ZFYVE19: variants seen among roughly 807,000 people sequenced by gnomAD.
ZFYVE19 encodes the protein abscission/NoCut checkpoint regulator.
In ZFYVE19, 49 loss-of-function variants were observed where a neutral mutation model predicts 62.8. The observed-to-expected ratio is 0.78, with a 90% CI of 0.62 to 0.99. ZFYVE19 has a LOEUF of 0.99. Among genes scored for constraint, ZFYVE19 ranks in the 50% least tolerant of loss-of-function variants. The pLI, the probability that ZFYVE19 is intolerant of heterozygous loss-of-function variation, is 0.00. For synonymous variants in ZFYVE19, 242 were observed against 234.3 expected (o/e 1.03, Z -0.30); for missense variants, 630 against 601.9 (o/e 1.05, Z -0.49).
intron 3 of ZFYVE19, 113 bp from the exon 4 acceptor site, chr15:40,809,738 TG>T: frequency 8.4e-7 from 1 of 1,191,746 alleles, no homozygotes; most frequent in South Asian, 1.4e-5. Flanking sequence ...GATTGCCCAT[TG>T]GAGGCCTCCC....
chr15:40,814,448 G>T lies in ZFYVE19; in HGVS notation c.*222G>T. On this transcript the variant is annotated 3_prime_UTR_variant, in exon 11 of 11. Transcript: ENST00000355341. ...CTCCTATTAGAAGCCCAGACTGGAA[G>T]TGAGAGGCATGATGGGGAGAGACCA... The T allele has an allele frequency of 1.7e-6, 1 of 600,090 alleles. No homozygotes were observed. Among genetic ancestry groups the T allele is most frequent in the South Asian group, 2.0e-5 (1 of 50,924 alleles). The allele number at this position is 600,090 out of a possible 1,614,324, so 37.2% of individuals were successfully genotyped here.
At chr15:40,812,557 A>AAAAGAAAGAAAGAAAG (rs1181376902) in intron 6 of ZFYVE19, 142 bp from the exon 7 acceptor site, 6 of 465,064 alleles carry the variant, frequency 1.3e-5, no homozygotes, top group Admixed American at 4.3e-5. Flanking sequence ...AAAAAAAAAA[A>AAAAGAAAGAAAGAAAG]AAAGAAAGAA....
rs1890613072 is a variant in ZFYVE19 at position 40,814,617 on chromosome 15, G to A, written c.*391G>A. On this transcript the variant is annotated 3_prime_UTR_variant, in exon 11 of 11. Transcript: ENST00000355341. ...CCTATGAGCCTGGGCCCTGTGAGAG[G>A]TGGCAGGAACAGAGCAGGCTGTAAG... 3.7e-6 allele frequency: 1 copy of A among 272,852 alleles called. No homozygotes were observed. Among genetic ancestry groups the A allele is most frequent in the South Asian group, 4.0e-5 (1 of 25,178 alleles). The allele number at this position is 272,852 out of a possible 1,614,324, so 16.9% of individuals were successfully genotyped here. A position where few individuals can be genotyped will look rare whatever the true frequency, so the allele number is the denominator to read the frequency against.
chr15:40,812,463 T>C (rs1890516558), intron 6 of ZFYVE19, among the ~76,000 whole-genome samples: 1 of 151,178 alleles, frequency 6.6e-6, no homozygotes, highest in African/African-American at 2.4e-5. Flanking sequence ...GGAGAATCGC[T>C]TGAATCCAGG....
rs1596118489 is a variant in ZFYVE19, at chr15:40,812,688, A to C, written c.827-11A>C. On this transcript the variant is annotated splice_polypyrimidine_tract_variant and intron_variant, in intron 6 of 10. Coordinates refer to ENST00000355341, the MANE Select transcript of ZFYVE19 (RefSeq NM_001077268.2). Reference sequence around the variant, plus strand: ...ATGTCTCGGCCTTGCTGATGGCATTACCCCTTCCAGCTGCCTCTCTCCAGA... The same window carrying C: ...ATGTCTCGGCCTTGCTGATGGCATTCCCCCTTCCAGCTGCCTCTCTCCAGA... 1 of 1,603,522 alleles carries C rather than the reference A, an allele frequency of 6.2e-7. No homozygotes were observed. The highest frequency in any genetic ancestry group is 8.5e-7 in the Non-Finnish European group (1 of 1,179,732).
At position 40,807,191 on chromosome 15, in the gene ZFYVE19, C is replaced by A; in HGVS notation, c.-399C>A. ...CTCTGTACCCCGCTTCCTCTTGAGG[C>A]CCTCGGACCGTCCAGGAAATGTCTG... On this transcript the variant is annotated 5_prime_UTR_variant, in exon 1 of 11. Transcript: ENST00000355341. 1 of 1,460,302 alleles carries A rather than the reference C, an allele frequency of 6.8e-7. No individual in the cohort carries two copies. The allele number at this position is 1,460,302 out of a possible 1,614,324, so 90.5% of individuals were successfully genotyped here.
chr15:40,814,689 T>G lies in ZFYVE19; in HGVS notation c.*463T>G. The G allele has an allele frequency of 5.5e-6, 1 of 183,112 alleles. No homozygotes were observed. The highest frequency in any genetic ancestry group is 1.2e-5 in the Non-Finnish European group (1 of 86,008). The allele number at this position is 183,112 out of a possible 1,614,324, so 11.3% of individuals were successfully genotyped here. A position where few individuals can be genotyped will look rare whatever the true frequency, so the allele number is the denominator to read the frequency against. On this transcript the variant is annotated 3_prime_UTR_variant, in exon 11 of 11. Coordinates refer to ENST00000355341, the MANE Select transcript of ZFYVE19 (RefSeq NM_001077268.2). The stretch of plus-strand genomic sequence containing the variant: ...AAAAGGTTGAGCCATCCTATGAACT[T>G]CTCCAGGCAGGAACAGCCCTACCCA...
Position 40,807,716 on chromosome 15 carries a change from CAGGGA to C in ZFYVE19, c.137_141del (p.Glu46AlafsTer5). 3 of 1,601,046 alleles carry C rather than the reference CAGGGA, an allele frequency of 1.9e-6. No individual in the cohort carries two copies. The highest frequency in any genetic ancestry group is 2.6e-6 in the Non-Finnish European group (3 of 1,175,162). ...AGTGGGCGTGTGGGGCGGGGCAGGG[CAGGGA>C]AGGGAAGGGCGGAGCTGGGGTGAGG... On this transcript the variant is annotated frameshift_variant, in exon 1 of 11. Transcript: ENST00000355341. LOFTEE classifies it high-confidence loss of function.
At chr15:40,808,046 T>C (rs1051996579) in intron 1 of ZFYVE19, 178 bp downstream of exon 1, 1 of 1,058,296 alleles carries the variant, frequency 9.4e-7, no homozygotes, top group Non-Finnish European at 1.4e-6. Flanking sequence ...GCTTTCAGGG[T>C]TTATGTGAGG....
chr15:40,807,348 C>T lies in ZFYVE19; in HGVS notation c.-242C>T. The T allele has an allele frequency of 1.2e-6, 2 of 1,614,276 alleles. No individual in the cohort carries two copies. The highest frequency in any genetic ancestry group is 8.5e-7 in the Non-Finnish European group (1 of 1,180,054). On this transcript the variant is annotated 5_prime_UTR_variant, in exon 1 of 11. Transcript: ENST00000355341. ...GACCGCCAGACCTCTCAAGATCAGC[C>T]TTCCTCGCCACCGTTCTCACCTCTT...
At chr15:40,808,720 A>G (rs867461654) in intron 1 of ZFYVE19, 12 of 302,142 alleles carry the variant, frequency 4.0e-5, no homozygotes, top group African/African-American at 2.6e-4. Context: ...AATGGAGGCT[A>G]TTGTTAGCCC....
rs545864396 is a variant in ZFYVE19 at position 40,808,512 on chromosome 15, A to G, written c.280-607A>G. The G allele has an allele frequency of 3.7e-6, 5 of 1,337,752 alleles. No homozygotes were observed. The East Asian group carries it at 1.0e-4, about 27-fold the overall frequency. 82.9% of individuals were successfully genotyped at this position (1,337,752 alleles called of 1,614,324 possible). A position where few individuals can be genotyped will look rare whatever the true frequency, so the allele number is the denominator to read the frequency against. On this transcript the variant is annotated intron_variant, in intron 1 of 10. Transcript: ENST00000355341. ...CCTGGATTTTGGAGTCAGCGTTCAA[A>G]TCTGAGCTCTGCTGTCTTATTGAGG...
At chr15:40,807,945 T>G in intron 1 of ZFYVE19, 77 bp downstream of exon 1, 1 of 1,517,460 alleles carries the variant, frequency 6.6e-7, no homozygotes, top group Non-Finnish European at 8.9e-7. Flanking sequence ...GTCCAAAGAC[T>G]TGGTCTTACG....
chr15:40,810,916 G>A lies in ZFYVE19; in HGVS notation c.826+159G>A, dbSNP rs1210036500. ...AGTGCTTACTCCAAAGGGAGCCAGT[G>A]TAAGCCTAGTGTTTAAGTGCACGGG... On this transcript the variant is annotated intron_variant, in intron 6 of 10. Coordinates refer to ENST00000355341, the MANE Select transcript of ZFYVE19 (RefSeq NM_001077268.2). The A allele has an allele frequency of 1.3e-5, 12 of 928,648 alleles. No individual in the cohort carries two copies. In the Admixed American group the frequency reaches 3.1e-4, roughly 24 times the overall value. 57.5% of individuals were successfully genotyped at this position (928,648 alleles called of 1,614,324 possible).
intron 6 of ZFYVE19, among the ~76,000 whole-genome samples, chr15:40,812,089 C>A (rs1049413123): frequency 2.6e-5 from 4 of 152,140 alleles, no homozygotes; most frequent in African/African-American, 9.7e-5. Flanking sequence ...ACCCTTAGGG[C>A]AGAATGTTAA....
Position 40,807,093 on chromosome 15 carries a change from C to G in ZFYVE19, c.-497C>G. The G allele has an allele frequency of 1.4e-6, 1 of 712,536 alleles. No homozygotes were observed. Among genetic ancestry groups the G allele is most frequent in the Non-Finnish European group, 2.3e-6 (1 of 442,890 alleles). 44.1% of individuals were successfully genotyped at this position (712,536 alleles called of 1,614,324 possible). ...GCAGGCGCAGAGGAGGCTAGCGTTC[C>G]TTGCTGCCTCGCCCCGCGGCCTCTA... On this transcript the variant is annotated 5_prime_UTR_variant, in exon 1 of 11. Transcript: ENST00000355341.
intron 3 of ZFYVE19, 100 bp downstream of exon 3, chr15:40,809,558 A>G: frequency 2.1e-6 from 3 of 1,427,028 alleles, no homozygotes; most frequent in Admixed American, 1.9e-5. Context: ...TGAGCACAGA[A>G]TCAGGAGAAT....
At position 40,812,821 on chromosome 15, in the gene ZFYVE19, C is replaced by G; in HGVS notation, c.949C>G (p.Arg317Gly). ...GCTGGCTGAGGCAGCACTTGAGTTG[C>G]GGGAGGAGAACACGAGGCAGGAACG... ...RLLAEAALEL[R>G]EENTRQERIL... The change falls in exon 7 of 11, where the codon CGG becomes GGG. Residue 317 changes from arginine to glycine, a missense_variant. Coordinates refer to ENST00000355341, the MANE Select transcript of ZFYVE19 (RefSeq NM_001077268.2). 1 of 1,613,662 alleles carries G rather than the reference C, an allele frequency of 6.2e-7. No individual in the cohort carries two copies. Among genetic ancestry groups the G allele is most frequent in the East Asian group, 2.2e-5 (1 of 44,858 alleles).
In ZFYVE19 at chr15:40,813,339, G is replaced by A. The variant is rs773537320; in HGVS notation, c.1032G>A (p.Val344=). The change falls in exon 8 of 11, where the codon GTG becomes GTA. Residue 344 remains valine (V), a splice_region_variant and synonymous_variant. Transcript: ENST00000355341. ...TGTTCCCATGTCTCCCTCTTCAAGT[G>A]ACCCTCCAGGACTATCGCCTCCCAG... ...AMLRGQDPER[V]TLQDYRLPDS... 2.5e-6 allele frequency: 4 copies of A among 1,613,374 alleles called. No homozygotes were observed. In the South Asian group the frequency reaches 4.4e-5, roughly 18 times the overall value.
Sources: allele counts gnomAD v4.1 joint callset (sites outside exome capture counted in the v4.1 genomes callset), GRCh38; gene constraint gnomAD v4.1.1; transcripts MANE v1.5; gene names NCBI Gene and HGNC (gene_info 2026-07-23, HGNC 2026-07-21).